Variants in GALNTL6 observed in about 807,000 individuals in gnomAD.
The protein encoded by GALNTL6 is polypeptide N-acetylgalactosaminyltransferase like 6.
A neutral mutation model predicts 73.7 loss-of-function variants in GALNTL6; 46 were observed. The ratio of observed to expected loss-of-function variants is 0.62; its 90% CI spans 0.49 to 0.80. The LOEUF (loss-of-function observed/expected upper bound fraction) is 0.80, where lower values mean the gene tolerates loss of function less well. Among genes scored for constraint, GALNTL6 ranks in the 30% least tolerant of loss-of-function variants. GALNTL6 has a pLI of 0.00. For missense variants in GALNTL6, 604 were observed against 755.0 expected, an observed-to-expected ratio of 0.80 and a Z score of 2.34; for synonymous variants, 259 against 263.7, an observed-to-expected ratio of 0.98 and a Z score of 0.17.
intron 2 of GALNTL6, among the ~76,000 whole-genome samples, chr4:172,109,003 A>G (rs1715038195): frequency 7.6e-6 from 1 of 130,966 alleles, no homozygotes; most frequent in Non-Finnish European, 1.6e-5. Context: ...ACAGAGTGAG[A>G]CTCCATCTCC....
At chr4:172,081,453 C>T (rs1249461318) in intron 2 of GALNTL6, among the ~76,000 whole-genome samples, 3 of 152,154 alleles carry the variant, frequency 2.0e-5, no homozygotes, top group Non-Finnish European at 4.4e-5. Flanking sequence ...TCCTGGCCAA[C>T]ATGGTGAAAC....
At chr4:172,482,218 C>T (rs546277270) in intron 5 of GALNTL6, among the ~76,000 whole-genome samples, 4 of 152,218 alleles carry the variant, frequency 2.6e-5, no homozygotes, top group Admixed American at 6.5e-5. Context: ...GGCCCAGGAG[C>T]GCTTCATGCA....
At chr4:172,781,751 G>A (rs758513811) in intron 5 of GALNTL6, among the ~76,000 whole-genome samples, 19 of 152,040 alleles carry the variant, frequency 1.2e-4, no homozygotes, top group African/African-American at 4.6e-4. Flanking sequence ...CCTAGCAACA[G>A]TGATTGCCTT....
chr4:172,173,909 G>T (rs1457426244), intron 2 of GALNTL6, among the ~76,000 whole-genome samples: 1 of 152,196 alleles, frequency 6.6e-6, no homozygotes, highest in Non-Finnish European at 1.5e-5. Flanking sequence ...CAGGGAGGGG[G>T]TGCAGACTGT....
intron 2 of GALNTL6, among the ~76,000 whole-genome samples, chr4:171,818,335 C>A (rs1185520492): frequency 1.3e-5 from 2 of 151,822 alleles, no homozygotes; most frequent in East Asian, 1.9e-4. Flanking sequence ...CAAATACTTT[C>A]TTTTCCTAAA....
intron 5 of GALNTL6, among the ~76,000 whole-genome samples, chr4:172,775,008 C>T (rs142677070): frequency 1.4e-3 from 194 of 136,548 alleles, no homozygotes; most frequent in African/African-American, 5.2e-3. Flanking sequence ...TAATAAAATC[C>T]AGAAGATAAG....
chr4:172,667,865 T>C (rs913925958), intron 5 of GALNTL6: 1 of 152,240 alleles, frequency 6.6e-6, no homozygotes, highest in Non-Finnish European at 1.5e-5. Context: ...GAGGATTTTA[T>C]ATGGAAAGCA....
intron 10 of GALNTL6, among the ~76,000 whole-genome samples, chr4:172,990,109 T>A (rs1011468741): frequency 6.6e-6 from 1 of 152,224 alleles, no homozygotes; most frequent in Non-Finnish European, 1.5e-5. Flanking sequence ...GCTCTATAAG[T>A]CAACTTTGAT....
intron 5 of GALNTL6, among the ~76,000 whole-genome samples, chr4:172,731,837 TTG>T (rs1245420283): frequency 6.6e-6 from 1 of 152,188 alleles, no homozygotes; most frequent in African/African-American, 2.4e-5. Context: ...TTCCATTTGT[TTG>T]TGAATTTTCC....
chr4:172,131,922 G>T (rs148944126), intron 2 of GALNTL6, among the ~76,000 whole-genome samples: 1 of 151,930 alleles, frequency 6.6e-6, no homozygotes, highest in African/African-American at 2.4e-5. Context: ...TCATGGCAGA[G>T]AATCAATGAG....
chr4:172,286,425 A>G (rs1020706862), intron 3 of GALNTL6, among the ~76,000 whole-genome samples: 5 of 152,212 alleles, frequency 3.3e-5, no homozygotes, highest in African/African-American at 1.2e-4. Context: ...AAATAGGATG[A>G]GGAGGGAGGA....
chr4:172,380,131 A>G, intron 5 of GALNTL6: 1 of 1,029,678 alleles, frequency 9.7e-7, no homozygotes, highest in Non-Finnish European at 1.5e-6. Flanking sequence ...TTGCTAATGG[A>G]TCATCTGGAT....
chr4:172,233,583 A>G (rs1016324137), intron 3 of GALNTL6, among the ~76,000 whole-genome samples: 3 of 152,056 alleles, frequency 2.0e-5, no homozygotes, highest in Non-Finnish European at 2.9e-5. Flanking sequence ...TTCCATATTT[A>G]TGTGTTCTTT....
At chr4:171,973,769 T>C (rs556207918) in intron 2 of GALNTL6, among the ~76,000 whole-genome samples, 4 of 152,192 alleles carry the variant, frequency 2.6e-5, no homozygotes, top group African/African-American at 9.6e-5. Context: ...AGATGTTCAG[T>C]AAATAATAAT....
At chr4:172,777,593 G>C (rs560723851) in intron 5 of GALNTL6, among the ~76,000 whole-genome samples, 14 of 152,248 alleles carry the variant, frequency 9.2e-5, no homozygotes, top group African/African-American at 3.4e-4. Flanking sequence ...CTGACTCTTG[G>C]TAGGTGCTTA....
chr4:172,201,355 C>T (rs1189797502), intron 2 of GALNTL6, among the ~76,000 whole-genome samples: 20 of 151,430 alleles, frequency 1.3e-4, no homozygotes, highest in African/African-American at 2.7e-4. Flanking sequence ...TACAGGTGCA[C>T]GCCACCACGC....
intron 5 of GALNTL6, among the ~76,000 whole-genome samples, chr4:172,446,859 G>GATGAT (rs1251573478): frequency 1.3e-5 from 2 of 152,098 alleles, no homozygotes; most frequent in Admixed American, 1.3e-4. Flanking sequence ...TGCAACTGTG[G>GATGAT]ATGATATACT....
At chr4:172,034,173 G>T (rs943415378) in intron 2 of GALNTL6, among the ~76,000 whole-genome samples, 1 of 151,974 alleles carries the variant, frequency 6.6e-6, no homozygotes, top group Non-Finnish European at 1.5e-5. Context: ...AAGTTAATAC[G>T]ACACGTAAAA....
At chr4:171,828,031 T>G (rs1176202343) in intron 2 of GALNTL6, among the ~76,000 whole-genome samples, 1 of 152,170 alleles carries the variant, frequency 6.6e-6, no homozygotes, top group East Asian at 1.9e-4. Context: ...CACAAAAATC[T>G]ATTATAAAAA....
Sources: allele counts gnomAD v4.1 joint callset (sites outside exome capture counted in the v4.1 genomes callset), GRCh38; gene constraint gnomAD v4.1.1; transcripts MANE v1.5; gene names NCBI Gene and HGNC (gene_info 2026-07-23, HGNC 2026-07-21).